The following CFAP299 variants were observed in gnomAD, a reference collection of about 807,000 sequenced individuals.
CFAP299 encodes the protein cilia- and flagella-associated protein 299.
In CFAP299, 21 loss-of-function variants were observed where a neutral mutation model predicts 27.0. The ratio of observed to expected loss-of-function variants is 0.78; its 90% CI spans 0.55 to 1.12. The LOEUF is 1.12. Ranked by LOEUF, CFAP299 falls within the 50% of genes most tolerant of loss-of-function variation. The pLI, the probability that CFAP299 is intolerant of heterozygous loss-of-function variation, is 0.00. For missense variants in CFAP299, 310 were observed against 276.6 expected (o/e 1.12, Z -0.86); for synonymous variants, 104 against 98.1 (o/e 1.06, Z -0.36).
intron 3 of CFAP299, chr4:80,608,294 A>G: frequency 1.5e-6 from 2 of 1,375,138 alleles, no homozygotes; most frequent in Non-Finnish European, 2.0e-6. Context: ...AACATGTGGA[A>G]TACACCTCAG....
At chr4:80,767,903 T>C (rs1029271149) in intron 3 of CFAP299, among the ~76,000 whole-genome samples, 2 of 152,234 alleles carry the variant, frequency 1.3e-5, no homozygotes, top group African/African-American at 2.4e-5. Context: ...CTATTTTTTG[T>C]TTCACTAGTT....
At chr4:80,867,379 A>G (rs1170594262) in intron 3 of CFAP299, among the ~76,000 whole-genome samples, 5 of 152,348 alleles carry the variant, frequency 3.3e-5, no homozygotes, top group Middle Eastern at 3.4e-3. Context: ...TGATACATAT[A>G]TATATTCTAA....
rs1721468877 is a variant in CFAP299 at position 80,701,366 on chromosome 4, C to G, written c.333+118183C>G. Among the ~76,000 whole-genome samples, 3 of 151,980 alleles carry G rather than the reference C, an allele frequency of 2.0e-5. No homozygotes were observed. In the South Asian group the frequency reaches 6.2e-4, roughly 31 times the overall value. On this transcript the variant is annotated intron_variant, in intron 3 of 5. Transcript: ENST00000358105. ...AATTCAAACATTCAGTTATCAAACA[C>G]CAATCATCAAACAAGTTTAATTACT...
intron 2 of CFAP299, among the ~76,000 whole-genome samples, chr4:80,424,464 T>A (rs1439276446): frequency 6.6e-6 from 1 of 152,194 alleles, no homozygotes; most frequent in Non-Finnish European, 1.5e-5. Flanking sequence ...TCACTGGCGA[T>A]CAGCATTTAT....
chr4:80,685,607 G>A (rs564394516), intron 3 of CFAP299, among the ~76,000 whole-genome samples: 3 of 119,880 alleles, frequency 2.5e-5, no homozygotes, highest in African/African-American at 9.5e-5. Context: ...TTACTCCACA[G>A]TGGAATGGTT....
intron 1 of CFAP299, among the ~76,000 whole-genome samples, chr4:80,357,678 T>A (rs1377823855): frequency 1.3e-5 from 2 of 152,138 alleles, no homozygotes; most frequent in Non-Finnish European, 2.9e-5. Flanking sequence ...GGGTTGGTGG[T>A]TTTATCCCCC....
intron 5 of CFAP299, among the ~76,000 whole-genome samples, chr4:80,954,244 T>C (rs1737931781): frequency 6.6e-6 from 1 of 152,200 alleles, no homozygotes; most frequent in Non-Finnish European, 1.5e-5. Context: ...TGAGGGATTA[T>C]TTCTAGTTCA....
intron 3 of CFAP299, among the ~76,000 whole-genome samples, chr4:80,681,947 G>A (rs1211293775): frequency 6.6e-6 from 1 of 152,154 alleles, no homozygotes; most frequent in Non-Finnish European, 1.5e-5. Flanking sequence ...ATTGGAGCAA[G>A]CCTTGGAAAT....
At chr4:80,436,513 A>C (rs564144065) in intron 2 of CFAP299, among the ~76,000 whole-genome samples, 2 of 152,262 alleles carry the variant, frequency 1.3e-5, no homozygotes, top group South Asian at 4.1e-4. Flanking sequence ...CGTGTTAGCC[A>C]GGATGGTCTC....
intron 1 of CFAP299, among the ~76,000 whole-genome samples, chr4:80,352,396 C>G (rs1224894732): frequency 6.6e-6 from 1 of 151,980 alleles, no homozygotes; most frequent in Non-Finnish European, 1.5e-5. Flanking sequence ...GGTGAAACCC[C>G]GTCTCTACTA....
chr4:80,617,738 G>T (rs1471594196), intron 3 of CFAP299, among the ~76,000 whole-genome samples: 1 of 152,140 alleles, frequency 6.6e-6, no homozygotes, highest in Admixed American at 6.6e-5. Flanking sequence ...ATAGGGAAGG[G>T]CATAGATGAA....
At chr4:80,535,964 A>G (rs1733719947) in intron 2 of CFAP299, among the ~76,000 whole-genome samples, 2 of 152,180 alleles carry the variant, frequency 1.3e-5, no homozygotes, top group African/African-American at 4.8e-5. Context: ...AGCTAGGGAG[A>G]GATCTAGAAC....
intron 3 of CFAP299, among the ~76,000 whole-genome samples, chr4:80,669,135 T>G (rs202159247): frequency 5.4e-5 from 1 of 18,460 alleles, no homozygotes; most frequent in Non-Finnish European, 9.5e-5. Flanking sequence ...TTTTCTGTCT[T>G]TCTTTCTTTC....
chr4:80,669,574 CT>C (rs77565445), intron 3 of CFAP299, among the ~76,000 whole-genome samples: 2,706 of 133,366 alleles, frequency 0.02, 65 homozygotes, highest in African/African-American at 0.06. Context: ...AACAGTTTTT[CT>C]TTTTTTTTTT....
intron 3 of CFAP299, among the ~76,000 whole-genome samples, chr4:80,862,482 C>G (rs1448063569): frequency 5.3e-5 from 8 of 152,126 alleles, no homozygotes; most frequent in Admixed American, 1.3e-4. Context: ...CAATCCCCAA[C>G]CATTGCAAAA....
chr4:80,411,471 C>T (rs1726717040), intron 2 of CFAP299, among the ~76,000 whole-genome samples: 1 of 151,836 alleles, frequency 6.6e-6, no homozygotes, highest in Non-Finnish European at 1.5e-5. Context: ...GGAATGTAAA[C>T]AATCTAATTT....
At chr4:80,760,180 T>C (rs1330041741) in intron 3 of CFAP299, among the ~76,000 whole-genome samples, 1 of 152,124 alleles carries the variant, frequency 6.6e-6, no homozygotes, top group Non-Finnish European at 1.5e-5. Flanking sequence ...ACTTAAATCA[T>C]TTAAAAATTA....
At chr4:80,739,519 G>T (rs143239579) in intron 3 of CFAP299, among the ~76,000 whole-genome samples, 1 of 151,836 alleles carries the variant, frequency 6.6e-6, no homozygotes, top group Non-Finnish European at 1.5e-5. Context: ...CTTTCTCTTG[G>T]CCTGTAAGGT....
intron 3 of CFAP299, among the ~76,000 whole-genome samples, chr4:80,799,555 T>G (rs866301242): frequency 1.3e-5 from 1 of 75,598 alleles, no homozygotes; most frequent in South Asian, 4.5e-4. Flanking sequence ...ATATATAATA[T>G]ATTTAATAAA....
Sources: allele counts gnomAD v4.1 joint callset (sites outside exome capture counted in the v4.1 genomes callset), GRCh38; gene constraint gnomAD v4.1.1; transcripts MANE v1.5; gene names NCBI Gene and HGNC (gene_info 2026-07-23, HGNC 2026-07-21).